Variants in ASB3 observed in about 807,000 individuals in gnomAD.
ASB3 encodes the protein ankyrin repeat and SOCS box containing 3, also known as ankyrin repeat and SOCS box protein 3.
In ASB3, 41 loss-of-function variants were observed where a neutral mutation model predicts 54.5. The observed-to-expected ratio is 0.75, with a 90% CI of 0.59 to 0.98. The LOEUF (loss-of-function observed/expected upper bound fraction) is 0.98. Ranked by LOEUF, ASB3 falls within the 50% of genes least tolerant of loss-of-function variation. The pLI, the probability that ASB3 is intolerant of heterozygous loss-of-function variation, is 0.00. For missense variants in ASB3, 733 were observed against 620.0 expected (o/e 1.18, Z -1.94); for synonymous variants, 266 against 221.2 (o/e 1.20, Z -1.80).
chr2:53,765,890 C>T (rs962313651), intron 1 of ASB3, among the ~76,000 whole-genome samples: 3 of 151,790 alleles, frequency 2.0e-5, no homozygotes, highest in Non-Finnish European at 4.4e-5. Flanking sequence ...TCATACCCCA[C>T]CACAACGCAT....
In ASB3 at chr2:53,714,437, C is replaced by T. The variant is rs1259609827; in HGVS notation, c.927G>A (p.Gln309=). 1 of 1,614,096 alleles carries T rather than the reference C, an allele frequency of 6.2e-7. No homozygotes were observed. The highest frequency in any genetic ancestry group is 8.5e-7 in the Non-Finnish European group (1 of 1,180,028). The part of the protein sequence containing the change: ...LLRNGYSPDA[Q]ACLVFGFSSP... ...AACTGAATCCAAAAACAAGGCACGC[C>T]TGGGCGTCTGGGCTGTAGCCATTCC... The change falls in exon 7 of 10, where the codon CAG becomes CAA. Residue 309 remains glutamine (Q), a synonymous_variant. Transcript: ENST00000263634.
intron 2 of ASB3, among the ~76,000 whole-genome samples, chr2:53,761,621 C>T (rs1673152774): frequency 6.6e-6 from 1 of 152,174 alleles, no homozygotes; most frequent in Non-Finnish European, 1.5e-5. Context: ...GTTCTCAGGC[C>T]TTCAGACTTA....
intron 7 of ASB3, 140 bp from the exon 8 acceptor site, chr2:53,700,668 G>C: frequency 8.0e-7 from 1 of 1,247,384 alleles, no homozygotes; most frequent in Non-Finnish European, 1.1e-6. Context: ...ACATCTAGTG[G>C]ATTGAGATTA....
chr2:53,721,171 T>G (rs1177752970), intron 5 of ASB3, among the ~76,000 whole-genome samples: 1 of 146,684 alleles, frequency 6.8e-6, no homozygotes, highest in African/African-American at 2.5e-5. Flanking sequence ...TAAACTGAAT[T>G]AATACCAACC....
chr2:53,711,811 A>G (rs2103821778), intron 7 of ASB3, among the ~76,000 whole-genome samples: 1 of 151,566 alleles, frequency 6.6e-6, no homozygotes, highest in South Asian at 2.1e-4. Flanking sequence ...ATTCGTTTTC[A>G]TGTGGGTCAC....
At chr2:53,724,337 C>T (rs1279704740) in intron 5 of ASB3, among the ~76,000 whole-genome samples, 13 of 152,110 alleles carry the variant, frequency 8.5e-5, no homozygotes, top group South Asian at 2.1e-4. Flanking sequence ...CATTGGCTCA[C>T]GCCTGTAATC....
At chr2:53,776,237 T>A (rs1219328468) in intron 1 of ASB3, among the ~76,000 whole-genome samples, 1 of 152,250 alleles carries the variant, frequency 6.6e-6, no homozygotes, top group East Asian at 1.9e-4. Context: ...ACTTTAAATA[T>A]CTTCCAACAT....
At chr2:53,737,110 C>A (rs1671681412) in intron 3 of ASB3, among the ~76,000 whole-genome samples, 1 of 152,128 alleles carries the variant, frequency 6.6e-6, no homozygotes, top group Admixed American at 6.5e-5. Flanking sequence ...AACTAGCCAT[C>A]CATCCAAAAC....
chr2:53,676,913 C>T (rs1482302184), intron 9 of ASB3, among the ~76,000 whole-genome samples: 1 of 151,998 alleles, frequency 6.6e-6, no homozygotes, highest in Admixed American at 6.6e-5. Context: ...GGATTACAGG[C>T]GCCTGCCACC....
At chr2:53,708,089 T>C (rs1409056059) in intron 7 of ASB3, among the ~76,000 whole-genome samples, 2 of 152,098 alleles carry the variant, frequency 1.3e-5, no homozygotes, top group South Asian at 2.1e-4. Context: ...TCATGATGAA[T>C]TGTAATCCCC....
chr2:53,745,662 T>C (rs1672182133), intron 3 of ASB3, among the ~76,000 whole-genome samples: 1 of 152,352 alleles, frequency 6.6e-6, no homozygotes. Flanking sequence ...TCTGGGTTTA[T>C]ATTCTATAGC....
chr2:53,724,466 G>A (rs752904761), intron 5 of ASB3, among the ~76,000 whole-genome samples: 2 of 152,084 alleles, frequency 1.3e-5, no homozygotes, highest in Non-Finnish European at 2.9e-5. Context: ...AGGCATGGTG[G>A]CACGTGCCTG....
intron 1 of ASB3, among the ~76,000 whole-genome samples, chr2:53,782,674 T>C (rs1674714371): frequency 1.3e-5 from 2 of 152,204 alleles, no homozygotes; most frequent in African/African-American, 4.8e-5. Context: ...ATTCCTTATT[T>C]GGGTACAGGG....
At chr2:53,696,016 T>C (rs1273609966) in intron 8 of ASB3, among the ~76,000 whole-genome samples, 2 of 152,216 alleles carry the variant, frequency 1.3e-5, no homozygotes, top group African/African-American at 2.4e-5. Flanking sequence ...TTTCTTATAA[T>C]AGCTCTTTGA....
intron 9 of ASB3, among the ~76,000 whole-genome samples, chr2:53,676,920 C>A (rs1348433087): frequency 6.6e-6 from 1 of 152,168 alleles, no homozygotes; most frequent in Non-Finnish European, 1.5e-5. Flanking sequence ...AGGCGCCTGC[C>A]ACCATGCCCG....
intron 2 of ASB3, among the ~76,000 whole-genome samples, chr2:53,758,456 A>T (rs1479074943): frequency 6.6e-6 from 1 of 152,218 alleles, no homozygotes; most frequent in Admixed American, 6.5e-5. Context: ...CTCTCTGAAA[A>T]GAATTTGCAT....
chr2:53,671,351 AGC>A (rs1331369528), intron 9 of ASB3, among the ~76,000 whole-genome samples: 5 of 115,160 alleles, frequency 4.3e-5, no homozygotes, highest in African/African-American at 1.6e-4. Context: ...CTGAACCCAA[AGC>A]GTGTGTGTGT....
intron 1 of ASB3, chr2:53,774,569 AT>A (rs1674200428): frequency 4.4e-6 from 6 of 1,359,408 alleles, no homozygotes; most frequent in Non-Finnish European, 5.0e-6. Flanking sequence ...TGACAATATG[AT>A]TTGGAAATAC....
intron 7 of ASB3, among the ~76,000 whole-genome samples, chr2:53,706,136 GGAA>G (rs2103792453): frequency 6.6e-6 from 1 of 152,214 alleles, no homozygotes; most frequent in African/African-American, 2.4e-5. Context: ...TAAAGATAAT[GGAA>G]TGAGATTTAG....
Sources: allele counts gnomAD v4.1 joint callset (sites outside exome capture counted in the v4.1 genomes callset), GRCh38; gene constraint gnomAD v4.1.1; transcripts MANE v1.5; gene names NCBI Gene and HGNC (gene_info 2026-07-23, HGNC 2026-07-21).